The following ADARB2 variants were observed in gnomAD, a reference collection of about 807,000 sequenced individuals.
ADARB2 encodes the protein inactive double-stranded RNA-specific editase B2.
ADARB2 carries 25 observed loss-of-function variants against 62.2 expected under a neutral mutation model. The ratio of observed to expected loss-of-function variants is 0.40; its 90% confidence interval spans 0.29 to 0.56. The LOEUF (loss-of-function observed/expected upper bound fraction) is 0.56, where lower values mean the gene tolerates loss of function less well. Ranked by LOEUF, ADARB2 falls within the 20% of genes least tolerant of loss-of-function variation. The pLI is 0.43. For synonymous variants in ADARB2, 572 were observed against 500.8 expected (o/e 1.14, Z -1.90); for missense variants, 1,071 against 1,077.4 (o/e 0.99, Z 0.08).
At chr10:1,285,130 C>CT (rs1831401268) in intron 3 of ADARB2, among the ~76,000 whole-genome samples, 1 of 142,870 alleles carries the variant, frequency 7.0e-6, no homozygotes, top group Admixed American at 7.0e-5. Context: ...AGCATAAATT[C>CT]TTTTTTATAT....
chr10:1,183,206 A>C lies in ADARB2; in HGVS notation c.2207T>G (p.Leu736Arg). 1 of 1,613,256 alleles carries C rather than the reference A, an allele frequency of 6.2e-7. No individual in the cohort carries two copies. The highest frequency in any genetic ancestry group is 1.1e-5 in the South Asian group (1 of 91,044). The change falls in exon 10 of 10, where the codon CTA becomes CGA. Residue 736 changes from leucine to arginine, a missense_variant. Physicochemically the swap from Leu to Arg is moderately radical, Grantham distance 102. Coordinates refer to ENST00000381312, the MANE Select transcript of ADARB2 (RefSeq NM_018702.4). ...GGAGCCCGCAGCCTAGAGAGTCAGT[A>C]GAAACTGCTGCTGCTCCGGTGGTTT... ...VRKPPEQQQF[L>R]LTL
At position 1,737,206 on chromosome 10, in the gene ADARB2, C is replaced by T. The variant is rs1835313475; in HGVS notation, c.-56G>A. On this transcript the variant is annotated 5_prime_UTR_variant, in exon 1 of 10. Coordinates refer to ENST00000381312, the MANE Select transcript of ADARB2 (RefSeq NM_018702.4). ...GCCTCCCTCCTGCACCTGCACCTGC[C>T]TCCTTCCCGGCAGCCGCCGCCGCCG... The T allele has an allele frequency of 8.3e-6, 13 of 1,569,032 alleles. No homozygotes were observed. In the South Asian group the frequency reaches 1.3e-4, roughly 16 times the overall value.
At chr10:1,421,809 T>C (rs1287958794) in intron 1 of ADARB2, among the ~76,000 whole-genome samples, 3 of 152,166 alleles carry the variant, frequency 2.0e-5, no homozygotes, top group Admixed American at 6.5e-5. Flanking sequence ...TAAATCCAGT[T>C]AGAACACTCG....
chr10:1,638,604 T>C (rs1244091193), intron 1 of ADARB2, among the ~76,000 whole-genome samples: 1 of 152,184 alleles, frequency 6.6e-6, no homozygotes, highest in African/African-American at 2.4e-5. Context: ...TCTCTGAGCC[T>C]CGTGTGCATT....
rs1174687123 is a variant in ADARB2, at chr10:1,177,956, C to T, written c.*5237G>A. Reference sequence around the variant, plus strand: ...CAAAAATACAAAAATTAGCCAATCTCATAAGCCGGTCTCAAAAAAGTAAAT... The same window carrying T: ...CAAAAATACAAAAATTAGCCAATCTTATAAGCCGGTCTCAAAAAAGTAAAT... On this transcript the variant is annotated 3_prime_UTR_variant, in exon 10 of 10. Transcript: ENST00000381312. 1 of 152,188 alleles carries T rather than the reference C, an allele frequency of 6.6e-6. No individual in the cohort carries two copies. The highest frequency in any genetic ancestry group is 1.5e-5 in the Non-Finnish European group (1 of 68,052). 9.4% of individuals were successfully genotyped at this position (152,188 alleles called of 1,614,324 possible). A position where few individuals can be genotyped will look rare whatever the true frequency, so the allele number is the denominator to read the frequency against.
In ADARB2 at chr10:1,381,869, T is replaced by C. The variant is rs1342098880; in HGVS notation, c.101-2709A>G. Among the ~76,000 whole-genome samples the C allele has an allele frequency of 2.0e-5, 3 of 152,040 alleles. 1 individual carries two copies. The South Asian group carries it at 6.2e-4, about 32-fold the overall frequency. On this transcript the variant is annotated intron_variant, in intron 1 of 9. Coordinates refer to ENST00000381312, the MANE Select transcript of ADARB2 (RefSeq NM_018702.4). Reference sequence around the variant, plus strand: ...GGAGAAAGGAGAGAGTGAGGAGGTGTTGGTCTAGGGTACAAACTTCCAGTG... The same window carrying C: ...GGAGAAAGGAGAGAGTGAGGAGGTGCTGGTCTAGGGTACAAACTTCCAGTG...
chr10:1,264,111 G>A (rs1163390238), intron 4 of ADARB2, among the ~76,000 whole-genome samples: 1 of 152,092 alleles, frequency 6.6e-6, no homozygotes. Flanking sequence ...CAGAGACACA[G>A]CATCAGCTTC....
At chr10:1,304,004 G>T (rs1349188983) in intron 3 of ADARB2, among the ~76,000 whole-genome samples, 1 of 152,054 alleles carries the variant, frequency 6.6e-6, no homozygotes, top group Non-Finnish European at 1.5e-5. Flanking sequence ...ATAATGACAG[G>T]ATCAAATTCA....
chr10:1,307,752 G>A (rs12265443), intron 3 of ADARB2, among the ~76,000 whole-genome samples: 21,918 of 56,274 alleles, frequency 0.39, 6,413 homozygotes, highest in African/African-American at 0.56. Context: ...ATGCAGCCAT[G>A]AAAAATGACG....
At position 1,730,776 on chromosome 10, in the gene ADARB2, T is replaced by TA. The variant is rs770393706; in HGVS notation, c.100+6274dup. 5.2e-4 allele frequency among the ~76,000 whole-genome samples: 79 copies of TA among 152,288 alleles called. 1 individual carries two copies. The highest frequency in any genetic ancestry group is 2.4e-3 in the Admixed American group (36 of 15,302). On this transcript the variant is annotated intron_variant, in intron 1 of 9. Transcript: ENST00000381312. ...GATCTGTTCTGCTATGTTTTCAGAT[T>TA]AAAAAACTGAACGTTAACTATTGAT...
rs559897721 is a variant in ADARB2 at position 1,445,123 on chromosome 10, A to G, written c.101-65963T>C. On this transcript the variant is annotated intron_variant, in intron 1 of 9. Coordinates refer to ENST00000381312, the MANE Select transcript of ADARB2 (RefSeq NM_018702.4). ...CATCTATCCATCCATCCATCCATCC[A>G]TCCATTTACCATCCATTCACTCACC... Among the ~76,000 whole-genome samples the G allele has an allele frequency of 3.5e-5, 5 of 142,204 alleles. No individual in the cohort carries two copies. The East Asian group carries it at 1.1e-3, about 31-fold the overall frequency. 93.3% of individuals were successfully genotyped at this position (142,204 alleles called of 152,430 possible).
intron 3 of ADARB2, among the ~76,000 whole-genome samples, chr10:1,294,592 C>G (rs1277172049): frequency 6.6e-6 from 1 of 152,218 alleles, no homozygotes; most frequent in East Asian, 1.9e-4. Context: ...ACTTCTCCGG[C>G]TCTGACATGA....
At chr10:1,571,933 TGGTGAGCGGACA>T (rs1288661359) in intron 1 of ADARB2, among the ~76,000 whole-genome samples, 1 of 98,036 alleles carries the variant, frequency 1.0e-5, no homozygotes, top group Non-Finnish European at 2.0e-5. Context: ...GGTGATATGC[TGGTGAGCGGACA>T]GGTGAGTAGG....
intron 1 of ADARB2, among the ~76,000 whole-genome samples, chr10:1,383,434 T>C (rs951328434): frequency 8.4e-6 from 1 of 119,602 alleles, no homozygotes; most frequent in Admixed American, 7.8e-5. Context: ...TTGAGTATGA[T>C]TAAAAAAAAA....
At chr10:1,401,212 G>A (rs928544562) in intron 1 of ADARB2, among the ~76,000 whole-genome samples, 3 of 152,222 alleles carry the variant, frequency 2.0e-5, no homozygotes, top group Admixed American at 2.0e-4. Context: ...GGGACCCACT[G>A]TGGAGGCAGC....
chr10:1,736,337 C>T (rs745899059), intron 1 of ADARB2, among the ~76,000 whole-genome samples: 2 of 152,216 alleles, frequency 1.3e-5, no homozygotes, highest in Non-Finnish European at 2.9e-5. Context: ...AACTTCAGCG[C>T]GGCCCAGCCC....
chr10:1,219,825 A>G (rs1404989081), intron 6 of ADARB2, among the ~76,000 whole-genome samples: 2 of 146,146 alleles, frequency 1.4e-5, no homozygotes, highest in Admixed American at 1.4e-4. Flanking sequence ...GGTGATGGTA[A>G]TGATGGTGGT....
chr10:1,267,281 A>G (rs1831214029), intron 4 of ADARB2, among the ~76,000 whole-genome samples: 1 of 152,246 alleles, frequency 6.6e-6, no homozygotes, highest in African/African-American at 2.4e-5. Context: ...TTGAAAGCTT[A>G]GAATTCCCCC....
At chr10:1,270,850 AGCCT>A in intron 4 of ADARB2, 101 bp downstream of exon 4, 1 of 949,918 alleles carries the variant, frequency 1.1e-6, no homozygotes, top group African/African-American at 1.6e-5. Context: ...TCTTTGTCAC[AGCCT>A]GTTGTGGAAG....
Sources: allele counts gnomAD v4.1 joint callset (sites outside exome capture counted in the v4.1 genomes callset), GRCh38; gene constraint gnomAD v4.1.1; transcripts MANE v1.5; gene names NCBI Gene and HGNC (gene_info 2026-07-23, HGNC 2026-07-21).